The following NEDD4L variants were observed in gnomAD, a reference collection of about 807,000 sequenced individuals.
NEDD4L encodes E3 ubiquitin-protein ligase NEDD4-like.
In NEDD4L, 54 loss-of-function variants were observed where a neutral mutation model predicts 148.9. The observed-to-expected ratio is 0.36, with a 90% CI of 0.29 to 0.45. NEDD4L has a LOEUF of 0.45. Ranked by LOEUF, NEDD4L falls within the 20% of genes least tolerant of loss-of-function variation. The probability of loss-of-function intolerance (pLI) is 1.00; values close to 1 mark genes in which losing one functional copy is unlikely to be tolerated. For synonymous variants in NEDD4L, 433 were observed against 440.7 expected (o/e 0.98, Z 0.22); for missense variants, 856 against 1,233.8 (o/e 0.69, Z 4.59).
chr18:58,315,825 G>A (rs922116391), intron 5 of NEDD4L, among the ~76,000 whole-genome samples, 157 bp from the exon 6 acceptor site: 11 of 152,288 alleles, frequency 7.2e-5, no homozygotes, highest in South Asian at 2.1e-4. Context: ...CTGGTCTCCC[G>A]GGGTGTGGTT....
chr18:58,229,595 A>G (rs975851826), intron 2 of NEDD4L, among the ~76,000 whole-genome samples: 4 of 152,224 alleles, frequency 2.6e-5, no homozygotes, highest in African/African-American at 7.2e-5. Context: ...GAGGTTAATC[A>G]CAATGAATGT....
In NEDD4L at chr18:58,343,015, A is replaced by T; in HGVS notation, c.1487A>T (p.Gln496Leu). 1 of 1,613,860 alleles carries T rather than the reference A, an allele frequency of 6.2e-7. No homozygotes were observed. Among genetic ancestry groups the T allele is most frequent in the Non-Finnish European group, 8.5e-7 (1 of 1,179,806 alleles). ...NSPKPQHKVT[Q>L]SFLPPGWEMR... ...CCCAAACCACAACACAAAGTCACAC[A>T]GAGCTTCTTGCCACCCGGCTGGGAA... Residue 496 changes from glutamine to leucine, a missense_variant, in exon 16 of 31, where the codon CAG becomes CTG. Around this residue, in one of 4 missense-constraint regions of NEDD4L, gnomAD observed 367 missense variants for 422.7 expected, o/e 0.87. Transcript: ENST00000400345.
chr18:58,183,169 G>A (rs1296091457), intron 2 of NEDD4L, among the ~76,000 whole-genome samples: 1 of 152,304 alleles, frequency 6.6e-6, no homozygotes, highest in Admixed American at 6.5e-5. Context: ...CTGGGAGGAG[G>A]GTGCTAAGTG....
At chr18:58,176,863 A>G (rs551036790) in intron 2 of NEDD4L, among the ~76,000 whole-genome samples, 1 of 152,342 alleles carries the variant, frequency 6.6e-6, no homozygotes, top group South Asian at 2.1e-4. Context: ...TCTGTAGGGC[A>G]GAGAATCTGA....
chr18:58,329,261 A>G (rs2059585459), intron 10 of NEDD4L, 134 bp downstream of exon 10: 2 of 1,021,720 alleles, frequency 2.0e-6, no homozygotes, highest in Non-Finnish European at 2.8e-6. Flanking sequence ...GCAGGGAATT[A>G]ATTACCATCT....
intron 1 of NEDD4L, among the ~76,000 whole-genome samples, chr18:58,152,672 C>A (rs1038827742): frequency 7.9e-5 from 12 of 152,202 alleles, no homozygotes; most frequent in Admixed American, 7.9e-4. Context: ...GATTCGGATT[C>A]TGGAAGTCTG....
intron 2 of NEDD4L, among the ~76,000 whole-genome samples, chr18:58,236,638 C>T (rs2046054619): frequency 6.6e-6 from 1 of 152,224 alleles, no homozygotes; most frequent in Admixed American, 6.5e-5. Context: ...TCTGAGGCAC[C>T]AGGCACGGTG....
chr18:58,380,564 C>A (rs2048209948), intron 24 of NEDD4L, among the ~76,000 whole-genome samples: 1 of 152,114 alleles, frequency 6.6e-6, no homozygotes, highest in Admixed American at 6.5e-5. Flanking sequence ...GATCTGCCCA[C>A]CTCGGCCTCC....
At chr18:58,061,771 A>C (rs185704187) in intron 1 of NEDD4L, among the ~76,000 whole-genome samples, 3 of 152,336 alleles carry the variant, frequency 2.0e-5, no homozygotes, top group Admixed American at 2.0e-4. Flanking sequence ...AAGCTTCTCA[A>C]ATTAATTACT....
At chr18:58,124,212 G>A (rs946055532) in intron 1 of NEDD4L, among the ~76,000 whole-genome samples, 2 of 152,146 alleles carry the variant, frequency 1.3e-5, no homozygotes, top group African/African-American at 2.4e-5. Flanking sequence ...GGTGTTCCCC[G>A]GGTGGGAGGC....
intron 25 of NEDD4L, among the ~76,000 whole-genome samples, chr18:58,384,132 A>T (rs967744824): frequency 2.6e-5 from 4 of 151,980 alleles, no homozygotes; most frequent in African/African-American, 9.7e-5. Flanking sequence ...CTTTCTTCTC[A>T]TTTGGAATTG....
chr18:58,190,926 C>T (rs560272861), intron 2 of NEDD4L, among the ~76,000 whole-genome samples: 6 of 152,096 alleles, frequency 3.9e-5, no homozygotes, highest in Non-Finnish European at 7.4e-5. Context: ...TAGCGAGTGA[C>T]GTAGTGAGAC....
chr18:58,107,151 A>G (rs891438933), intron 1 of NEDD4L, among the ~76,000 whole-genome samples: 4 of 152,130 alleles, frequency 2.6e-5, no homozygotes, highest in Non-Finnish European at 5.9e-5. Context: ...GGACACAGCC[A>G]TATTGGATTA....
intron 15 of NEDD4L, among the ~76,000 whole-genome samples, chr18:58,342,474 TGAATGTCATGG>T (rs2042560372): frequency 1.3e-5 from 2 of 152,230 alleles, no homozygotes; most frequent in African/African-American, 4.8e-5. Context: ...CACTCTGATA[TGAATGTCATGG>T]GTAACAACTG....
chr18:58,234,058 T>C (rs547803023), intron 2 of NEDD4L, among the ~76,000 whole-genome samples: 12 of 81,374 alleles, frequency 1.5e-4, no homozygotes, highest in Middle Eastern at 4.9e-3. Context: ...TCTTTCTTTC[T>C]TTCTTTCTTT....
intron 1 of NEDD4L, among the ~76,000 whole-genome samples, chr18:58,118,966 G>C (rs973479617): frequency 3.1e-5 from 4 of 128,378 alleles, no homozygotes; most frequent in Admixed American, 1.6e-4. Flanking sequence ...TCTGGGTCTT[G>C]GATTTTGTTG....
intron 5 of NEDD4L, among the ~76,000 whole-genome samples, chr18:58,264,669 A>G (rs2049961752): frequency 6.6e-6 from 1 of 152,028 alleles, no homozygotes; most frequent in Non-Finnish European, 1.5e-5. Flanking sequence ...TCTGTGTGTT[A>G]AGAACATCCC....
chr18:58,348,326 C>CTTTTTTTTCTTTTTTTTTTTTT (rs2043371626), intron 16 of NEDD4L, among the ~76,000 whole-genome samples: 3 of 88,670 alleles, frequency 3.4e-5, no homozygotes, highest in African/African-American at 1.6e-4. Flanking sequence ...TCTTTTTTTT[C>CTTTTTTTTCTTTTTTTTTTTTT]TTTTTTTTTT....
rs77868830 is a variant in NEDD4L, at chr18:58,049,217, G to A, written c.48+4509G>A. 2.7e-3 allele frequency among the ~76,000 whole-genome samples: 407 copies of A among 152,324 alleles called. 4 individuals carry two copies. The highest frequency in any genetic ancestry group is 9.2e-3 in the African/African-American group (384 of 41,560). ...GTCAGATTTCTGCTTTTCTGTGTTT[G>A]AGGAAAGTGCTAGAAAAAGAGAAGT... On this transcript the variant is annotated intron_variant, in intron 1 of 30. Coordinates refer to ENST00000400345, the MANE Select transcript of NEDD4L (RefSeq NM_001144967.3).
Sources: allele counts gnomAD v4.1 joint callset (sites outside exome capture counted in the v4.1 genomes callset), GRCh38; gene constraint gnomAD v4.1.1; regional missense constraint gnomAD v4.1.1; transcripts MANE v1.5; gene names NCBI Gene and HGNC (gene_info 2026-07-23, HGNC 2026-07-21).